The following SAMD5 variants were observed in gnomAD, a reference collection of about 807,000 sequenced individuals.
SAMD5 encodes sterile alpha motif domain containing 5, also known as sterile alpha motif domain-containing protein 5.
SAMD5 carries 13 observed loss-of-function variants against 11.3 expected under a neutral mutation model. The observed-to-expected ratio is 1.15, with a 90% CI of 0.75 to 1.83. SAMD5 has a LOEUF of 1.83. Among genes scored for constraint, SAMD5 ranks in the 40% most tolerant of loss-of-function variants. The probability of loss-of-function intolerance (pLI) is 0.00; values close to 1 mark genes in which losing one functional copy is unlikely to be tolerated. For missense variants in SAMD5, 255 were observed against 239.1 expected, an observed-to-expected ratio of 1.07 and a Z score of -0.44; for synonymous variants, 129 against 111.3, an observed-to-expected ratio of 1.16 and a Z score of -1.00.
intron 1 of SAMD5, among the ~76,000 whole-genome samples, chr6:147,643,839 A>T (rs1189044751): frequency 6.6e-6 from 1 of 152,012 alleles, no homozygotes; most frequent in Non-Finnish European, 1.5e-5. Flanking sequence ...TAAGGTAAAG[A>T]AGAGTCTTTA....
chr6:147,676,948 GGC>G (rs1189168310), intron 1 of SAMD5, among the ~76,000 whole-genome samples: 1 of 151,850 alleles, frequency 6.6e-6, no homozygotes, highest in Non-Finnish European at 1.5e-5. Context: ...GATGGTGAGG[GGC>G]CAGATAAAAA....
chr6:147,875,953 C>G, the SAMD5 span, among the ~76,000 whole-genome samples: 10,436 of 152,110 alleles, frequency 0.069, 479 homozygotes, highest in South Asian at 0.11. Flanking sequence ...AAATGTAAGG[C>G]ACTTGAATCA....
chr6:147,699,617 A>C (rs1415566502), intron 1 of SAMD5, among the ~76,000 whole-genome samples: 1 of 152,208 alleles, frequency 6.6e-6, no homozygotes, highest in Non-Finnish European at 1.5e-5. Flanking sequence ...TTAAATATTA[A>C]ATGTTTGAGT....
At chr6:147,713,404 G>T (rs1041582305) in intron 1 of SAMD5, among the ~76,000 whole-genome samples, 3 of 152,078 alleles carry the variant, frequency 2.0e-5, no homozygotes, top group African/African-American at 7.2e-5. Context: ...TCTACATCTT[G>T]TTCTAAGAAG....
In SAMD5 at chr6:147,722,472, C is replaced by T. The variant is rs1053194131; in HGVS notation, c.163-14845C>T. Among the ~76,000 whole-genome samples the T allele has an allele frequency of 5.9e-5, 9 of 152,136 alleles. 1 individual carries two copies. The highest frequency in any genetic ancestry group is 4.1e-4 in the South Asian group (2 of 4,820). On this transcript the variant is annotated intron_variant, in intron 1 of 1. Transcript: ENST00000566741. ...ACAAGCAATTTCCTCTACTGAAATG[C>T]TTTTTCCATTTGTCCTCATAGAAAA... is the stretch of plus-strand genomic sequence containing the variant.
the SAMD5 span, among the ~76,000 whole-genome samples, chr6:147,871,482 G>A: frequency 6.6e-6 from 1 of 152,158 alleles, no homozygotes; most frequent in East Asian, 1.9e-4. Context: ...TCTCTAAAAT[G>A]TAACCTCTTT....
intron 1 of SAMD5, among the ~76,000 whole-genome samples, chr6:147,521,288 T>C (rs193282597): frequency 3.4e-4 from 51 of 152,222 alleles, no homozygotes; most frequent in Middle Eastern, 3.4e-3. Flanking sequence ...GCTTCTTTTT[T>C]CTACTGGTCT....
At chr6:147,524,385 A>G (rs1462043072) in intron 1 of SAMD5, among the ~76,000 whole-genome samples, 2 of 151,678 alleles carry the variant, frequency 1.3e-5, no homozygotes, top group East Asian at 1.9e-4. Flanking sequence ...AAAGGGGAAG[A>G]GTAATGGGTT....
At chr6:147,788,234 A>T in the SAMD5 span, among the ~76,000 whole-genome samples, 12 of 152,356 alleles carry the variant, frequency 7.9e-5, no homozygotes, top group East Asian at 2.1e-3. Context: ...TGGATATTTC[A>T]GTATACATAT....
the SAMD5 span, among the ~76,000 whole-genome samples, chr6:147,752,678 G>A: frequency 6.6e-5 from 10 of 152,080 alleles, no homozygotes; most frequent in African/African-American, 2.4e-4. Flanking sequence ...ATATTTCCCT[G>A]AAATTGTATT....
chr6:147,888,657 T>G, the SAMD5 span, among the ~76,000 whole-genome samples: 2 of 152,008 alleles, frequency 1.3e-5, no homozygotes, highest in Non-Finnish European at 2.9e-5. Flanking sequence ...CTGAGGCAGA[T>G]GTATCACCTG....
the SAMD5 span, among the ~76,000 whole-genome samples, chr6:147,759,623 A>T: frequency 6.6e-6 from 1 of 151,146 alleles, no homozygotes; most frequent in Non-Finnish European, 1.5e-5. Context: ...AATAATTTTT[A>T]GCTGAAAATA....
chr6:147,684,331 A>G (rs755280464), intron 1 of SAMD5, among the ~76,000 whole-genome samples: 7 of 152,096 alleles, frequency 4.6e-5, no homozygotes, highest in Admixed American at 6.6e-5. Context: ...TGAATAGACT[A>G]TGGTTTTTAT....
intron 1 of SAMD5, among the ~76,000 whole-genome samples, chr6:147,612,280 A>AT (rs1789799387): frequency 6.6e-6 from 1 of 152,188 alleles, no homozygotes; most frequent in Non-Finnish European, 1.5e-5. Context: ...TCTGAGACCT[A>AT]TTTAGCCTAA....
chr6:147,552,668 C>A (rs573337538), intron 1 of SAMD5, among the ~76,000 whole-genome samples: 36 of 152,320 alleles, frequency 2.4e-4, no homozygotes, highest in African/African-American at 8.4e-4. Context: ...AAAAGCCTAA[C>A]AGTAAGGTGA....
At chr6:147,780,056 C>T in the SAMD5 span, among the ~76,000 whole-genome samples, 3 of 152,278 alleles carry the variant, frequency 2.0e-5, no homozygotes, top group East Asian at 5.8e-4. Context: ...ATTAAATAAG[C>T]TTTTGAGCTC....
At chr6:147,842,923 G>A in the SAMD5 span, among the ~76,000 whole-genome samples, 163 of 152,246 alleles carry the variant, frequency 1.1e-3, 1 homozygote, top group African/African-American at 3.8e-3. Context: ...GCAGTGGCAC[G>A]ATCTTGACTC....
the SAMD5 span, among the ~76,000 whole-genome samples, chr6:147,931,246 G>A: frequency 6.6e-6 from 1 of 152,058 alleles, no homozygotes; most frequent in Non-Finnish European, 1.5e-5. Flanking sequence ...AATGTGTGGG[G>A]GTGAAAATGA....
intron 1 of SAMD5, among the ~76,000 whole-genome samples, chr6:147,639,799 G>C (rs1188420914): frequency 1.3e-5 from 2 of 152,132 alleles, no homozygotes; most frequent in Admixed American, 6.5e-5. Flanking sequence ...TTCTGTTTTG[G>C]TTGGCAGTCA....
Sources: gnomAD v4.1 joint callset for allele counts (sites outside exome capture counted in the v4.1 genomes callset) on GRCh38, gnomAD v4.1.1 for gene constraint, MANE v1.5 for transcripts, NCBI Gene and HGNC (gene_info 2026-07-23, HGNC 2026-07-21) for gene names.